Variants in AMBP observed in about 807,000 individuals in gnomAD.
AMBP encodes alpha-1-microglobulin/bikunin precursor.
AMBP carries 37 observed loss-of-function variants against 46.3 expected under a neutral mutation model. The observed-to-expected ratio is 0.80, with a 90% confidence interval of 0.61 to 1.05. The LOEUF is 1.05. AMBP is among the 50% of genes least tolerant of loss of function. The pLI is 0.00. For missense variants in AMBP, 475 were observed against 461.2 expected (o/e 1.03, Z -0.27); for synonymous variants, 174 against 175.9 (o/e 0.99, Z 0.09).
intron 6 of AMBP, among the ~76,000 whole-genome samples, chr9:114,065,054 G>T (rs148672251): frequency 6.6e-6 from 1 of 152,124 alleles, no homozygotes; most frequent in Non-Finnish European, 1.5e-5. Flanking sequence ...ACATGTTGTC[G>T]TAGGATGGAT....
intron 5 of AMBP, among the ~76,000 whole-genome samples, chr9:114,070,967 A>G (rs1846738562): frequency 6.6e-6 from 1 of 152,086 alleles, no homozygotes; most frequent in South Asian, 2.1e-4. Flanking sequence ...TGCTGGGGCC[A>G]TGGAGGGAGC....
At chr9:114,073,264 T>G (rs1846765055) in intron 4 of AMBP, among the ~76,000 whole-genome samples, 1 of 151,840 alleles carries the variant, frequency 6.6e-6, no homozygotes, top group East Asian at 1.9e-4. Context: ...TTTTTTTTTT[T>G]GAGACGGAGT....
chr9:114,070,895 C>T (rs1846737993), intron 5 of AMBP, among the ~76,000 whole-genome samples: 1 of 152,184 alleles, frequency 6.6e-6, no homozygotes, highest in South Asian at 2.1e-4. Context: ...CAATCCATTC[C>T]TGGAAGCACC....
chr9:114,062,651 G>T lies in AMBP; in HGVS notation c.685+26C>A, dbSNP rs751780204. 6 of 1,610,236 alleles carry T rather than the reference G, an allele frequency of 3.7e-6. No homozygotes were observed. The African/African-American group carries it at 8.0e-5, about 22-fold the overall frequency. On this transcript the variant is annotated intron_variant, in intron 7 of 9. Transcript: ENST00000265132. ...CCTTCCTTTCTGGAGTATGGCAGAG[G>T]GGGTGAAAAGGCAGGTGTTCATTAC...
intron 6 of AMBP, among the ~76,000 whole-genome samples, chr9:114,063,900 A>G (rs1846666335): frequency 6.6e-6 from 1 of 152,248 alleles, no homozygotes; most frequent in African/African-American, 2.4e-5. Context: ...ATCAATACAG[A>G]AATAATAGAA....
At chr9:114,060,713 A>G (rs1846625510) in intron 9 of AMBP, among the ~76,000 whole-genome samples, 1 of 152,016 alleles carries the variant, frequency 6.6e-6, no homozygotes, top group Admixed American at 6.6e-5. Context: ...AGCCCTGCAT[A>G]CCCTCTGCCA....
intron 7 of AMBP, 23 bp from the exon 8 acceptor site, chr9:114,061,614 C>T (rs980414078): frequency 6.3e-7 from 1 of 1,575,414 alleles, no homozygotes; most frequent in African/African-American, 1.3e-5. Flanking sequence ...AGACCAGCAG[C>T]ACTGACCAAG....
Position 114,074,108 on chromosome 9 carries a change from C to T in AMBP, c.382G>A (p.Asp128Asn). 1.2e-6 allele frequency: 2 copies of T among 1,614,140 alleles called. No individual in the cohort carries two copies. Among genetic ancestry groups the T allele is most frequent in the South Asian group, 1.1e-5 (1 of 91,068 alleles). ...TTGGTCAGGAAAATGGCATACTCATCATAGTTGGTGTGGACCACATAGGAC... is the reference window on the plus strand; with the variant it reads ...TTGGTCAGGAAAATGGCATACTCATTATAGTTGGTGTGGACCACATAGGAC... ...MESYVVHTNY[D>N]EYAIFLTKKF... Residue 128 changes from aspartate (D) to asparagine (N), a missense_variant, in exon 4 of 10, where the codon GAT (aspartate) becomes AAT (asparagine). Physicochemically the swap from Asp to Asn is conservative, Grantham distance 23. Coordinates refer to ENST00000265132, the MANE Select transcript of AMBP (RefSeq NM_001633.4).
intron 5 of AMBP, among the ~76,000 whole-genome samples, chr9:114,072,109 T>C (rs777815699): frequency 6.6e-6 from 1 of 152,186 alleles, no homozygotes; most frequent in Non-Finnish European, 1.5e-5. Context: ...AACATGCCCT[T>C]TGCTCACCAC....
At chr9:114,063,210 A>G (rs1846660198) in intron 6 of AMBP, among the ~76,000 whole-genome samples, 2 of 151,652 alleles carry the variant, frequency 1.3e-5, no homozygotes, top group Non-Finnish European at 2.9e-5. Context: ...AGAGAGAAAG[A>G]AGGGACCCTG....
chr9:114,076,465 T>C (rs1846808889), intron 2 of AMBP, 133 bp downstream of exon 2: 2 of 1,313,210 alleles, frequency 1.5e-6, no homozygotes, highest in South Asian at 2.9e-5. Context: ...TGGAGGAGCG[T>C]AGAGGGATCT....
At chr9:114,078,038 C>G (rs1846832991) in intron 1 of AMBP, 55 bp downstream of exon 1, 1 of 1,581,228 alleles carries the variant, frequency 6.3e-7, no homozygotes. Flanking sequence ...CAGGGCCCAT[C>G]TGCCTGGACT....
At chr9:114,061,367 C>T (rs995514744) in intron 8 of AMBP, 57 bp downstream of exon 8, 2 of 1,608,674 alleles carry the variant, frequency 1.2e-6, no homozygotes, top group Non-Finnish European at 1.7e-6. Context: ...AGGTGGTTTA[C>T]TGGAGGGACA....
chr9:114,060,146 A>AGTT lies in AMBP; in HGVS notation c.*90_*92dup, dbSNP rs1846617706. ...ACAGAATTTCAGGAGTTTACAATTT[A>AGTT]GTTTTTATTTGGACCCAGGTTGCTT... On this transcript the variant is annotated 3_prime_UTR_variant, in exon 10 of 10. Transcript: ENST00000265132. 2 of 1,309,086 alleles carry AGTT rather than the reference A, an allele frequency of 1.5e-6. No individual in the cohort carries two copies. The highest frequency in any genetic ancestry group is 2.5e-5 in the East Asian group (1 of 40,324). The allele number at this position is 1,309,086 out of a possible 1,614,324, so 81.1% of individuals were successfully genotyped here.
chr9:114,061,055 G>C lies in AMBP; in HGVS notation c.897C>G (p.Phe299Leu). Residue 299 changes from phenylalanine to leucine, a missense_variant, in exon 9 of 10, where the codon TTC (phenylalanine) becomes TTG (leucine). Phe to Leu is a conservative substitution (Grantham distance 22, BLOSUM62 0). This residue lies in a region of AMBP where 293 missense variants were observed against 276.9 expected (regional missense o/e 1.06). Transcript: ENST00000265132. ...LPIVRGPCRA[F>L]IQLWAFDAVK... The stretch of plus-strand genomic sequence containing the variant: ...CAGCATCAAATGCCCAGAGCTGGAT[G>C]AAGGCTCGGCAGGGGCCCCGGACTA... 1 of 1,614,246 alleles carries C rather than the reference G, an allele frequency of 6.2e-7. No individual in the cohort carries two copies. Among genetic ancestry groups the C allele is most frequent in the Non-Finnish European group, 8.5e-7 (1 of 1,180,044 alleles).
intron 9 of AMBP, 48 bp downstream of exon 9, chr9:114,060,877 A>T: frequency 6.3e-7 from 1 of 1,581,616 alleles, no homozygotes; most frequent in South Asian, 1.2e-5. Flanking sequence ...TCCCACCTCG[A>T]CTCCAACAGC....
rs530605708 is a variant in AMBP at position 114,061,493 on chromosome 9, C to T, written c.784G>A (p.Gly262Ser). 30 of 1,614,124 alleles carry T rather than the reference C, an allele frequency of 1.9e-5. No homozygotes were observed. The highest frequency in any genetic ancestry group is 1.7e-4 in the Middle Eastern group (1 of 6,056). Residue 262 changes from glycine (G) to serine (S), a missense_variant, in exon 8 of 10, where the codon GGC becomes AGC. Physicochemically the swap from Gly to Ser is moderately conservative, Grantham distance 56 (BLOSUM62 0). Around this residue, in one of 3 missense-constraint regions of AMBP, gnomAD observed 293 missense variants for 276.9 expected, o/e 1.06. Coordinates refer to ENST00000265132, the MANE Select transcript of AMBP (RefSeq NM_001633.4). ...TSMACETFQY[G>S]GCMGNGNNFV... The stretch of plus-strand genomic sequence containing the variant: ...TTGTTACCGTTGCCCATGCAGCCGC[C>T]GTACTGGAAAGTCTCACAGGCCATG...
At chr9:114,075,891 A>T (rs921323365) in intron 2 of AMBP, among the ~76,000 whole-genome samples, 5 of 152,192 alleles carry the variant, frequency 3.3e-5, no homozygotes, top group African/African-American at 1.2e-4. Flanking sequence ...AAGGGACATC[A>T]GGTGCAAGGA....
chr9:114,065,311 G>C (rs1025494347), intron 6 of AMBP, among the ~76,000 whole-genome samples: 3 of 152,168 alleles, frequency 2.0e-5, no homozygotes, highest in Non-Finnish European at 2.9e-5. Flanking sequence ...CCTTATAAAC[G>C]GGTGATTCGC....
Sources: gnomAD v4.1 joint callset for allele counts (sites outside exome capture counted in the v4.1 genomes callset) on GRCh38, gnomAD v4.1.1 for gene constraint, gnomAD v4.1.1 regional missense constraint, MANE v1.5 for transcripts, NCBI Gene and HGNC (gene_info 2026-07-23, HGNC 2026-07-21) for gene names.